The following LYRM4 variants were observed in gnomAD, a reference collection of about 807,000 sequenced individuals.
The protein encoded by LYRM4 is LYR motif containing 4.
A neutral mutation model predicts 11.7 loss-of-function variants in LYRM4; 9 were observed. The observed-to-expected ratio is 0.77, with a 90% confidence interval of 0.46 to 1.34. The LOEUF is 1.34. LYRM4 is among the 40% of genes most tolerant of loss of function. The probability of loss-of-function intolerance (pLI) is 0.00; values close to 1 mark genes in which losing one functional copy is unlikely to be tolerated. For synonymous variants in LYRM4, 42 were observed against 40.4 expected, an observed-to-expected ratio of 1.04 and a Z score of -0.15; for missense variants, 133 against 112.5, an observed-to-expected ratio of 1.18 and a Z score of -0.82.
intron 2 of LYRM4, among the ~76,000 whole-genome samples, chr6:5,215,480 A>T (rs1435409964): frequency 6.6e-6 from 1 of 152,144 alleles, no homozygotes; most frequent in Non-Finnish European, 1.5e-5. Flanking sequence ...GGCCTGTCTG[A>T]GTGTGGCAGT....
downstream of LYRM4, among the ~76,000 whole-genome samples, chr6:5,102,423 T>G (rs1762533996): frequency 6.6e-6 from 1 of 152,180 alleles, no homozygotes; most frequent in Non-Finnish European, 1.5e-5. Context: ...CCAATTGTAT[T>G]GTTATTAAAC....
intron 2 of LYRM4, among the ~76,000 whole-genome samples, chr6:5,122,283 G>C (rs1432959175): frequency 6.6e-6 from 1 of 152,044 alleles, no homozygotes; most frequent in East Asian, 1.9e-4. Context: ...TCTGATTCTA[G>C]AAGTTCCTGA....
chr6:5,117,065 G>A (rs534618229), intron 2 of LYRM4, among the ~76,000 whole-genome samples: 14 of 152,288 alleles, frequency 9.2e-5, no homozygotes, highest in African/African-American at 3.4e-4. Context: ...CTATTTCGCA[G>A]AGTTGTTATG....
intron 2 of LYRM4, among the ~76,000 whole-genome samples, chr6:5,213,000 T>G (rs1276070743): frequency 6.6e-6 from 1 of 152,198 alleles, no homozygotes; most frequent in East Asian, 1.9e-4. Context: ...GTTGCCAGAA[T>G]GAAGACTGAA....
intron 1 of LYRM4, among the ~76,000 whole-genome samples, chr6:5,245,960 T>C (rs1396534396): frequency 3.3e-5 from 5 of 152,286 alleles, no homozygotes; most frequent in Non-Finnish European, 4.4e-5. Flanking sequence ...ACACAGACCA[T>C]GGTAAGGATT....
chr6:5,226,446 G>A (rs576870766), intron 1 of LYRM4, among the ~76,000 whole-genome samples: 7 of 152,238 alleles, frequency 4.6e-5, no homozygotes, highest in South Asian at 2.1e-4. Flanking sequence ...GTGCAATGGC[G>A]CAATCTCAGC....
At chr6:5,144,099 C>A in intron 2 of LYRM4, 4 of 1,517,602 alleles carry the variant, frequency 2.6e-6, no homozygotes, top group Non-Finnish European at 3.5e-6. Context: ...GAGGTGAGAG[C>A]GATCTGATCT....
intron 1 of LYRM4, among the ~76,000 whole-genome samples, chr6:5,257,758 G>A (rs954084375): frequency 2.0e-5 from 3 of 152,116 alleles, no homozygotes; most frequent in Admixed American, 1.3e-4. Context: ...GTTTCATCCC[G>A]AAACCATCCC....
At chr6:5,190,984 G>T (rs565458835) in intron 2 of LYRM4, among the ~76,000 whole-genome samples, 1 of 152,256 alleles carries the variant, frequency 6.6e-6, no homozygotes, top group African/African-American at 2.4e-5. Flanking sequence ...CTTGCCTCAT[G>T]TGCCTTAAGA....
At chr6:5,131,200 C>A (rs777191116) in intron 2 of LYRM4, among the ~76,000 whole-genome samples, 6 of 152,010 alleles carry the variant, frequency 3.9e-5, no homozygotes, top group Middle Eastern at 3.2e-3. Flanking sequence ...AGACAGGATG[C>A]GGCAGTCATA....
the LYRM4 span, among the ~76,000 whole-genome samples, chr6:5,092,507 C>G: frequency 6.6e-6 from 1 of 151,248 alleles, no homozygotes; most frequent in Non-Finnish European, 1.5e-5. Context: ...GTCAGGAGTT[C>G]GAGAACAGCT....
chr6:5,226,111 GC>G (rs1762877426), intron 1 of LYRM4, among the ~76,000 whole-genome samples: 1 of 152,130 alleles, frequency 6.6e-6, no homozygotes, highest in African/African-American at 2.4e-5. Context: ...TGTTTATGGT[GC>G]TTTTTATTTT....
At chr6:5,172,182 A>T (rs536455492) in intron 2 of LYRM4, among the ~76,000 whole-genome samples, 1 of 152,284 alleles carries the variant, frequency 6.6e-6, no homozygotes, top group East Asian at 1.9e-4. Context: ...GCCTACCCGG[A>T]AACCCTAGGG....
chr6:5,084,871 G>A, the LYRM4 span: 1 of 152,414 alleles, frequency 6.6e-6, no homozygotes, highest in East Asian at 1.9e-4. Context: ...TCCAGCCTCT[G>A]CGTAGGCAAG....
chr6:5,086,233 G>C, the LYRM4 span: 2 of 1,535,422 alleles, frequency 1.3e-6, no homozygotes, highest in Non-Finnish European at 1.7e-6. Flanking sequence ...GGCCGTGACC[G>C]TGCGCTACAC....
At chr6:5,213,014 C>A (rs536844577) in intron 2 of LYRM4, among the ~76,000 whole-genome samples, 1 of 152,294 alleles carries the variant, frequency 6.6e-6, no homozygotes, top group African/African-American at 2.4e-5. Context: ...GACTGAAGAT[C>A]TTGCACATTA....
At chr6:5,068,227 T>C in the LYRM4 span, among the ~76,000 whole-genome samples, 1 of 152,188 alleles carries the variant, frequency 6.6e-6, no homozygotes, top group African/African-American at 2.4e-5. This position sits in a 1 kb window ranked among gnomAD's most constrained non-coding sequence, Gnocchi z 4.0. Context: ...GAGGTCAAAG[T>C]AGAAGTCAGT....
chr6:5,035,343 T>C, the LYRM4 span, among the ~76,000 whole-genome samples: 1 of 151,756 alleles, frequency 6.6e-6, no homozygotes, highest in Non-Finnish European at 1.5e-5. Flanking sequence ...ATCCATCCTT[T>C]AAGCCTCAGC....
chr6:5,098,556 A>G, the LYRM4 span, among the ~76,000 whole-genome samples: 1 of 152,260 alleles, frequency 6.6e-6, no homozygotes, highest in Admixed American at 6.5e-5. Flanking sequence ...ACCTAGGTAC[A>G]GGAGTGTGTA....
Sources: allele counts gnomAD v4.1 joint callset (sites outside exome capture counted in the v4.1 genomes callset), GRCh38; gene constraint gnomAD v4.1.1; non-coding constraint Gnocchi (gnomAD v3.1); transcripts MANE v1.5; gene names NCBI Gene and HGNC (gene_info 2026-07-23, HGNC 2026-07-21).